The following DDX21 variants were observed in gnomAD, a reference collection of about 807,000 sequenced individuals.
DDX21 encodes nucleolar RNA helicase 2.
Under a neutral mutation model 90.0 loss-of-function variants are expected in DDX21, and 18 were observed. That is an observed-to-expected ratio of 0.20 (90% confidence interval 0.14 to 0.30). DDX21 has a LOEUF of 0.30. Among genes scored for constraint, DDX21 ranks in the 10% least tolerant of loss-of-function variants. DDX21 has a pLI of 1.00. For synonymous variants in DDX21, 294 were observed against 318.0 expected, an observed-to-expected ratio of 0.92 and a Z score of 0.80; for missense variants, 673 against 944.5, an observed-to-expected ratio of 0.71 and a Z score of 3.77.
chr10:68,963,317 A>T lies in DDX21; in HGVS notation c.634A>T (p.Ile212Leu). 1 of 1,613,274 alleles carries T rather than the reference A, an allele frequency of 6.2e-7. No individual in the cohort carries two copies. The highest frequency in any genetic ancestry group is 8.5e-7 in the Non-Finnish European group (1 of 1,179,718). Residue 212 changes from isoleucine (I) to leucine (L), a missense_variant, in exon 4 of 15, where the codon ATA becomes TTA. By Grantham distance (5) the Ile-to-Leu change is conservative. Coordinates refer to ENST00000354185, the MANE Select transcript of DDX21 (RefSeq NM_004728.4). ...CCGAGGAGTGACCTTCCTATTTCCT[A>T]TACAAGCAAAGACATTCCATCATGT... is the stretch of plus-strand genomic sequence containing the variant. ...KGRGVTFLFP[I>L]QAKTFHHVYS...
At chr10:68,971,846 G>A in intron 8 of DDX21, 45 bp from the exon 9 acceptor site, 1 of 1,589,418 alleles carries the variant, frequency 6.3e-7, no homozygotes, top group South Asian at 1.1e-5. Context: ...AAAAGTACTT[G>A]TATTGTTGGA....
intron 1 of DDX21, among the ~76,000 whole-genome samples, chr10:68,957,858 G>A (rs971163649): frequency 6.6e-6 from 1 of 152,154 alleles, no homozygotes; most frequent in African/African-American, 2.4e-5. Context: ...TTCCAACATT[G>A]TTCTGGGGCT....
Position 68,981,579 on chromosome 10 carries a change from C to G in DDX21, c.2080C>G (p.Gln694Glu). 1.9e-6 allele frequency: 3 copies of G among 1,609,904 alleles called. No homozygotes were observed. The highest frequency in any genetic ancestry group is 2.5e-6 in the Non-Finnish European group (3 of 1,177,792). The stretch of plus-strand genomic sequence containing the variant: ...ACCTACCGCATCAGTAACAGAAATA[C>G]AGGTATTCTTTTCCCTTAGATTTTA... Reference protein sequence around the residue: ...DVPTASVTEIQEKWHDSRRWQ... With the variant: ...DVPTASVTEIEEKWHDSRRWQ... Residue 694 changes from glutamine (Q) to glutamate (E), a missense_variant and splice_region_variant, in exon 14 of 15, where the codon CAG (glutamine) becomes GAG (glutamate). Gln to Glu is a conservative substitution (Grantham distance 29). This residue lies in a region of DDX21 where 225 missense variants were observed against 298.8 expected (regional missense o/e 0.75). Transcript: ENST00000354185.
intron 7 of DDX21, 106 bp downstream of exon 7, chr10:68,969,227 C>A: frequency 8.9e-7 from 1 of 1,123,062 alleles, no homozygotes; most frequent in Non-Finnish European, 1.3e-6. Flanking sequence ...ATACTAAATC[C>A]ATGTGAAAAG....
At chr10:68,960,351 G>T in intron 2 of DDX21, 102 bp downstream of exon 2, 2 of 1,223,108 alleles carry the variant, frequency 1.6e-6, no homozygotes, top group South Asian at 3.6e-5. Flanking sequence ...GAGAAAATGT[G>T]ATGTGTCAGC....
At chr10:68,979,655 G>A (rs973295736) in intron 13 of DDX21, among the ~76,000 whole-genome samples, 3 of 152,292 alleles carry the variant, frequency 2.0e-5, no homozygotes, top group African/African-American at 4.8e-5. Context: ...TTGACTTGGC[G>A]AAGCCCCTAA....
At chr10:68,961,921 G>T (rs1029744190) in intron 2 of DDX21, among the ~76,000 whole-genome samples, 161 bp from the exon 3 acceptor site, 1 of 152,084 alleles carries the variant, frequency 6.6e-6, no homozygotes, top group Non-Finnish European at 1.5e-5. Context: ...TTCAGATCTC[G>T]AGTTACCTAT....
At chr10:68,958,975 C>T (rs1022779173) in intron 1 of DDX21, among the ~76,000 whole-genome samples, 2 of 152,076 alleles carry the variant, frequency 1.3e-5, no homozygotes, top group Non-Finnish European at 2.9e-5. Flanking sequence ...GATCATGCCT[C>T]TGTACCACAA....
intron 7 of DDX21, 60 bp downstream of exon 7, chr10:68,969,181 A>G: frequency 6.7e-7 from 1 of 1,491,954 alleles, no homozygotes; most frequent in Non-Finnish European, 9.1e-7. Flanking sequence ...CTTGTCTGTT[A>G]GTATTAAGAC....
At chr10:68,967,469 T>A (rs1842955094) in intron 6 of DDX21, among the ~76,000 whole-genome samples, 3 of 152,046 alleles carry the variant, frequency 2.0e-5, no homozygotes, top group Admixed American at 6.6e-5. Context: ...GCGCCTGGCC[T>A]GGTGACTAAG....
At position 68,970,185 on chromosome 10, in the gene DDX21, TTTC is replaced by T. The variant is rs1451684290; in HGVS notation, c.1237-10_1237-8del. 1 of 1,593,498 alleles carries T rather than the reference TTTC, an allele frequency of 6.3e-7. No individual in the cohort carries two copies. Among genetic ancestry groups the T allele is most frequent in the Non-Finnish European group, 8.5e-7 (1 of 1,172,570 alleles). On this transcript the variant is annotated splice_polypyrimidine_tract_variant and intron_variant, in intron 7 of 14. Transcript: ENST00000354185. ...AAAGCTTTACTAAATAGATGTTTTT[TTTC>T]TTCTTACATAAGCATCTGGCTATTA... is the stretch of plus-strand genomic sequence containing the variant.
In DDX21 at chr10:68,984,101, A is replaced by G. The variant is rs1412899080; in HGVS notation, c.*1289A>G. The G allele has an allele frequency of 6.6e-6, 1 of 152,242 alleles. No homozygotes were observed. The highest frequency in any genetic ancestry group is 2.4e-5 in the African/African-American group (1 of 41,466). 9.4% of individuals were successfully genotyped at this position (152,242 alleles called of 1,614,324 possible). ...ATTATTTCTCTGGGAAACATTCTAC[A>G]TAGCACAGGAGCTTAAGAGTGGCAT... On this transcript the variant is annotated 3_prime_UTR_variant, in exon 15 of 15. Coordinates refer to ENST00000354185, the MANE Select transcript of DDX21 (RefSeq NM_004728.4).
chr10:68,960,832 G>T (rs1842863987), intron 2 of DDX21, among the ~76,000 whole-genome samples: 3 of 151,360 alleles, frequency 2.0e-5, no homozygotes. Flanking sequence ...CAAATAAGCA[G>T]ATACTGCTTA....
Position 68,982,883 on chromosome 10 carries a change from A to T in DDX21, c.*71A>T. On this transcript the variant is annotated 3_prime_UTR_variant, in exon 15 of 15. Transcript: ENST00000354185. ...AATATAGAACTGAACATTATTTTTC[A>T]TGCAAAGTTAAAAGCACATTGTGCC... 6.4e-7 allele frequency: 1 copy of T among 1,561,556 alleles called. No individual in the cohort carries two copies. The highest frequency in any genetic ancestry group is 8.7e-7 in the Non-Finnish European group (1 of 1,151,318).
At chr10:68,961,199 AG>A in intron 2 of DDX21, among the ~76,000 whole-genome samples, 1 of 152,214 alleles carries the variant, frequency 6.6e-6, no homozygotes, top group Non-Finnish European at 1.5e-5. Context: ...CCTCCCGAGT[AG>A]CTGGGATTAC....
rs184042320 is a variant in DDX21 at position 68,960,260 on chromosome 10, A to G, written c.531+11A>G. 12,054 of 1,585,268 alleles carry G rather than the reference A, an allele frequency of 7.6e-3. 121 individuals are homozygous for G. Among genetic ancestry groups the G allele is most frequent in the South Asian group, 0.023 (1,967 of 85,756 alleles). ...AGTGAGATAGAGCAGGTACATTTGC[A>G]CTTCATTGGGTAGAAGATATCTTTC... is the stretch of plus-strand genomic sequence containing the variant. On this transcript the variant is annotated intron_variant, in intron 2 of 14. Transcript: ENST00000354185.
At chr10:68,981,363 C>CT (rs1264335734) in intron 13 of DDX21, among the ~76,000 whole-genome samples, 174 bp from the exon 14 acceptor site, 1 of 152,076 alleles carries the variant, frequency 6.6e-6, no homozygotes, top group African/African-American at 2.4e-5. Flanking sequence ...CTGCAGTGTA[C>CT]TTTTGGCAGC....
rs994331548 is a variant in DDX21 at position 68,983,481 on chromosome 10, A to G, written c.*669A>G. ...TGATTCATGCTTTAGTGAATTCTTCATAGATAGTATATATAAAAGTACATT... is the reference window on the plus strand; with the variant it reads ...TGATTCATGCTTTAGTGAATTCTTCGTAGATAGTATATATAAAAGTACATT... On this transcript the variant is annotated 3_prime_UTR_variant, in exon 15 of 15. Transcript: ENST00000354185. 1 of 152,278 alleles carries G rather than the reference A, an allele frequency of 6.6e-6. No homozygotes were observed. Among genetic ancestry groups the G allele is most frequent in the African/African-American group, 2.4e-5 (1 of 41,420 alleles). The allele number at this position is 152,278 out of a possible 1,614,324, so 9.4% of individuals were successfully genotyped here.
chr10:68,973,148 T>C (rs11596106), intron 9 of DDX21, among the ~76,000 whole-genome samples: 3,236 of 151,944 alleles, frequency 0.021, 51 homozygotes, highest in Non-Finnish European at 0.034. Context: ...TGAGCTGAGA[T>C]CATGCCACTG....
Sources: allele counts gnomAD v4.1 joint callset (sites outside exome capture counted in the v4.1 genomes callset), GRCh38; gene constraint gnomAD v4.1.1; regional missense constraint gnomAD v4.1.1; transcripts MANE v1.5; gene names NCBI Gene and HGNC (gene_info 2026-07-23, HGNC 2026-07-21).